NBAS: variants seen among roughly 807,000 people sequenced by gnomAD.
NBAS encodes the protein NBAS subunit of NRZ tethering complex.
A neutral mutation model predicts 302.5 loss-of-function variants in NBAS; 219 were observed. The observed-to-expected ratio is 0.72, with a 90% CI of 0.65 to 0.81. The LOEUF (loss-of-function observed/expected upper bound fraction) is 0.81, where lower values mean the gene tolerates loss of function less well. Ranked by LOEUF, NBAS falls within the 30% of genes least tolerant of loss-of-function variation. The probability of loss-of-function intolerance (pLI) is 0.00; values close to 1 mark genes in which losing one functional copy is unlikely to be tolerated. For missense variants in NBAS, 2,932 were observed against 2,841.6 expected, an observed-to-expected ratio of 1.03 and a Z score of -0.72; for synonymous variants, 1,118 against 1,021.6, an observed-to-expected ratio of 1.09 and a Z score of -1.80.
intron 22 of NBAS, among the ~76,000 whole-genome samples, chr2:15,426,197 G>T (rs1463149725): frequency 6.6e-6 from 1 of 152,174 alleles, no homozygotes; most frequent in East Asian, 1.9e-4. Context: ...AGTTTCAAAG[G>T]ATTGCTCCAT....
chr2:15,248,169 A>C (rs1214277167), intron 44 of NBAS, among the ~76,000 whole-genome samples: 1 of 152,214 alleles, frequency 6.6e-6, no homozygotes, highest in East Asian at 1.9e-4. Context: ...CCGCGCAACT[A>C]CATGGAAACA....
the NBAS span, among the ~76,000 whole-genome samples, chr2:14,826,097 T>A: frequency 6.6e-6 from 1 of 152,208 alleles, no homozygotes; most frequent in East Asian, 1.9e-4. Flanking sequence ...GAGGAGGGTG[T>A]AATTTGTTAC....
rs758036276 is a variant in NBAS at position 15,309,215 on chromosome 2, T to C, written c.4615A>G (p.Asn1539Asp). The change falls in exon 39 of 52, where the codon AAT becomes GAT. Residue 1539 changes from asparagine to aspartate, a missense_variant. Asn to Asp is a conservative substitution (Grantham distance 23). Coordinates refer to ENST00000281513, the MANE Select transcript of NBAS (RefSeq NM_015909.4). ...TAAGCAAGAGCCAAGGTCATGTCAT[T>C]TGGCAAGGCTTCACTTGCTAGTTGC... is the stretch of plus-strand genomic sequence containing the variant. ...LLQLASEALP[N>D]DMTLALAYLL... is the part of the protein sequence containing the mutation. 3.1e-6 allele frequency: 5 copies of C among 1,612,622 alleles called. No individual in the cohort carries two copies. The highest frequency in any genetic ancestry group is 1.7e-4 in the Middle Eastern group (1 of 6,048).
intron 48 of NBAS, among the ~76,000 whole-genome samples, chr2:15,212,874 T>A (rs1572458827): frequency 1.4e-5 from 2 of 139,020 alleles, no homozygotes; most frequent in African/African-American, 5.6e-5. Flanking sequence ...GAGTCAAACC[T>A]CTTTCCTTTA....
At chr2:15,014,598 C>A in the NBAS span, among the ~76,000 whole-genome samples, 2 of 151,894 alleles carry the variant, frequency 1.3e-5, no homozygotes, top group East Asian at 1.9e-4. Flanking sequence ...AGAAACACAT[C>A]ATACGAAAAC....
At chr2:14,786,519 G>C in the NBAS span, among the ~76,000 whole-genome samples, 70 of 152,092 alleles carry the variant, frequency 4.6e-4, no homozygotes, top group Non-Finnish European at 7.9e-4. Flanking sequence ...CTGGTATGTT[G>C]TGTCTTTGTT....
chr2:15,299,566 A>T lies in NBAS; in HGVS notation c.4798-6800T>A, dbSNP rs73917930. Among the ~76,000 whole-genome samples, 1,271 of 152,354 alleles carry T rather than the reference A, an allele frequency of 8.3e-3. 22 individuals carry two copies. The highest frequency in any genetic ancestry group is 0.029 in the African/African-American group (1,212 of 41,584). Reference sequence around the variant, plus strand: ...TATTTTCAATTAGTAGCTTAAAAAAACGCATTTTAGAAATAGTCTACCATA... The same window carrying T: ...TATTTTCAATTAGTAGCTTAAAAAATCGCATTTTAGAAATAGTCTACCATA... On this transcript the variant is annotated intron_variant, in intron 40 of 51. Transcript: ENST00000281513.
intron 44 of NBAS, among the ~76,000 whole-genome samples, chr2:15,242,279 A>G (rs1667899972): frequency 6.6e-6 from 1 of 152,202 alleles, no homozygotes; most frequent in South Asian, 2.1e-4. Context: ...ATTTAAAATA[A>G]TCCTTCAAGA....
At chr2:15,086,786 C>G in the NBAS span, among the ~76,000 whole-genome samples, 1 of 152,150 alleles carries the variant, frequency 6.6e-6, no homozygotes. Flanking sequence ...AAGTGACACC[C>G]CAAAGATCCT....
the NBAS span, among the ~76,000 whole-genome samples, chr2:15,112,301 A>G: frequency 2.0e-5 from 3 of 152,086 alleles, no homozygotes; most frequent in Non-Finnish European, 2.9e-5. Flanking sequence ...AAGAGGCAAC[A>G]TAAGAGTGAA....
chr2:15,558,457 A>AAT (rs1454584210), intron 2 of NBAS, 123 bp downstream of exon 2: 5 of 677,140 alleles, frequency 7.4e-6, no homozygotes, highest in South Asian at 3.8e-5. Context: ...TGTATATATA[A>AAT]ATATATATAT....
At position 15,320,696 on chromosome 2, in the gene NBAS, G is replaced by A. The variant is rs139991291; in HGVS notation, c.4582+7054C>T. Among the ~76,000 whole-genome samples, 896 of 152,288 alleles carry A rather than the reference G, an allele frequency of 5.9e-3. 14 individuals carry two copies. The highest frequency in any genetic ancestry group is 0.021 in the African/African-American group (870 of 41,550). On this transcript the variant is annotated intron_variant, in intron 38 of 51. Transcript: ENST00000281513. ...CCTAGGAATACAATTTACAAGGGAT[G>A]TGAAGGGCCTCTTCAAGGAGAACTA...
intron 19 of NBAS, among the ~76,000 whole-genome samples, chr2:15,466,936 CAA>C (rs35850907): frequency 4.5e-5 from 6 of 133,122 alleles, no homozygotes; most frequent in Admixed American, 1.5e-4. Context: ...GATCCTATCT[CAA>C]AAAAAAAAAA....
At chr2:15,439,855 T>C (rs1325354208) in intron 21 of NBAS, among the ~76,000 whole-genome samples, 6 of 152,230 alleles carry the variant, frequency 3.9e-5, no homozygotes, top group Admixed American at 3.3e-4. Flanking sequence ...GGAGATTATA[T>C]CCTGCACCTG....
chr2:15,555,038 C>T (rs903729485), intron 3 of NBAS, among the ~76,000 whole-genome samples: 6 of 151,810 alleles, frequency 4.0e-5, no homozygotes, highest in Admixed American at 3.9e-4. Flanking sequence ...AACATAATTT[C>T]ATGAAATAGA....
chr2:15,528,880 T>A (rs200639061), intron 9 of NBAS, among the ~76,000 whole-genome samples: 12,882 of 113,470 alleles, frequency 0.11, 831 homozygotes, highest in East Asian at 0.21. Context: ...AAAAAAAAAA[T>A]ATATATATAT....
At chr2:15,229,675 G>A (rs1381421981) in intron 47 of NBAS, among the ~76,000 whole-genome samples, 7 of 151,672 alleles carry the variant, frequency 4.6e-5, no homozygotes, top group Admixed American at 6.6e-5. Flanking sequence ...CCAGCTACTC[G>A]GGAGGCTGAG....
At chr2:14,845,311 G>A in the NBAS span, among the ~76,000 whole-genome samples, 5 of 152,180 alleles carry the variant, frequency 3.3e-5, no homozygotes, top group African/African-American at 1.2e-4. Context: ...CATCAAGGTG[G>A]TACCTCTATG....
At chr2:15,102,561 G>A in the NBAS span, among the ~76,000 whole-genome samples, 1 of 152,128 alleles carries the variant, frequency 6.6e-6, no homozygotes, top group Non-Finnish European at 1.5e-5. Context: ...CTAAAGGCAG[G>A]CCTTTTATTC....
Sources: gnomAD v4.1 joint callset for allele counts (sites outside exome capture counted in the v4.1 genomes callset) on GRCh38, gnomAD v4.1.1 for gene constraint, MANE v1.5 for transcripts, NCBI Gene and HGNC (gene_info 2026-07-23, HGNC 2026-07-21) for gene names.